AKAP6: variants seen among roughly 807,000 people sequenced by gnomAD.
AKAP6 encodes the protein A-kinase anchor protein 6.
Under a neutral mutation model 188.5 loss-of-function variants are expected in AKAP6, and 58 were observed. The ratio of observed to expected loss-of-function variants is 0.31; its 90% CI spans 0.25 to 0.38. The LOEUF (loss-of-function observed/expected upper bound fraction) is 0.38. Among genes scored for constraint, AKAP6 ranks in the 10% least tolerant of loss-of-function variants. The probability of loss-of-function intolerance (pLI) is 1.00; values close to 1 mark genes in which losing one functional copy is unlikely to be tolerated. For missense variants in AKAP6, 2,710 were observed against 2,740.0 expected (o/e 0.99, Z 0.24); for synonymous variants, 989 against 998.6 (o/e 0.99, Z 0.18).
At chr14:32,348,417 C>CTTTTTTTTTTTTTTTTTTT (rs71115063) in intron 1 of AKAP6, among the ~76,000 whole-genome samples, 1 of 126,162 alleles carries the variant, frequency 7.9e-6, no homozygotes, top group African/African-American at 3.1e-5. Flanking sequence ...TCTTTTGTTT[C>CTTTTTTTTTTTTTTTTTTT]TTTTTTTTTT....
chr14:32,513,360 A>G (rs573554699), intron 2 of AKAP6, among the ~76,000 whole-genome samples: 5 of 152,356 alleles, frequency 3.3e-5, no homozygotes, highest in South Asian at 2.1e-4. Flanking sequence ...GGAAAAAACA[A>G]TCAGAGCAAA....
chr14:32,477,389 C>T (rs534892857), intron 2 of AKAP6, among the ~76,000 whole-genome samples: 33 of 152,088 alleles, frequency 2.2e-4, no homozygotes, highest in East Asian at 9.7e-4. Context: ...CCATGCCTGG[C>T]GGTGTTGAAG....
chr14:32,760,654 G>A (rs977966), intron 11 of AKAP6, among the ~76,000 whole-genome samples: 29,852 of 152,058 alleles, frequency 0.2, 4,082 homozygotes, highest in African/African-American at 0.38. Flanking sequence ...GAGAGGTGTG[G>A]TGTCTTTTCC....
chr14:32,804,730 G>A (rs2034044206), intron 12 of AKAP6, among the ~76,000 whole-genome samples: 1 of 152,018 alleles, frequency 6.6e-6, no homozygotes, highest in African/African-American at 2.4e-5. Context: ...GGAGACCAGG[G>A]CATATCTCAG....
At chr14:32,358,326 A>T (rs1326849888) in intron 1 of AKAP6, among the ~76,000 whole-genome samples, 1 of 152,240 alleles carries the variant, frequency 6.6e-6, no homozygotes, top group Admixed American at 6.5e-5. Context: ...CTTAGTTCAG[A>T]ACTTGGAATC....
intron 12 of AKAP6, among the ~76,000 whole-genome samples, chr14:32,816,204 T>C (rs761757378): frequency 5.3e-5 from 8 of 152,124 alleles, no homozygotes; most frequent in Non-Finnish European, 8.8e-5. Flanking sequence ...TGTTTGTTTG[T>C]TTGTTTAGAG....
rs575588113 is a variant in AKAP6 at position 32,358,375 on chromosome 14, C to A, written c.-35+28967C>A. The stretch of plus-strand genomic sequence containing the variant: ...AATCCTGTGGTTGATGCTCAACACA[C>A]AAAACCAAAAAACTGTTTGTTCTTG... On this transcript the variant is annotated intron_variant, in intron 1 of 13. Coordinates refer to ENST00000280979, the MANE Select transcript of AKAP6 (RefSeq NM_004274.5). 2.0e-5 allele frequency among the ~76,000 whole-genome samples: 3 copies of A among 152,236 alleles called. No individual in the cohort carries two copies. The South Asian group carries it at 6.2e-4, about 32-fold the overall frequency.
At chr14:32,784,585 T>G (rs1001955157) in intron 12 of AKAP6, among the ~76,000 whole-genome samples, 1 of 152,196 alleles carries the variant, frequency 6.6e-6, no homozygotes, top group African/African-American at 2.4e-5. Context: ...ATATCTTAAG[T>G]GTCACTCACC....
At chr14:32,499,530 A>G (rs1880498379) in intron 2 of AKAP6, among the ~76,000 whole-genome samples, 1 of 151,902 alleles carries the variant, frequency 6.6e-6, no homozygotes, top group South Asian at 2.1e-4. Context: ...ATCTTTCTGT[A>G]TTATAATTTA....
At chr14:32,610,961 C>T (rs1358291913) in intron 7 of AKAP6, among the ~76,000 whole-genome samples, 1 of 151,990 alleles carries the variant, frequency 6.6e-6, no homozygotes, top group Non-Finnish European at 1.5e-5. Context: ...TGAATTTGGT[C>T]ATAGAAAACA....
At chr14:32,477,365 A>G (rs1034320352) in intron 2 of AKAP6, among the ~76,000 whole-genome samples, 1 of 152,244 alleles carries the variant, frequency 6.6e-6, no homozygotes, top group African/African-American at 2.4e-5. Context: ...GGAGCTCCAG[A>G]TCTTCCTTTA....
chr14:32,578,450 T>C (rs955411111), intron 5 of AKAP6, among the ~76,000 whole-genome samples: 1 of 152,142 alleles, frequency 6.6e-6, no homozygotes, highest in Non-Finnish European at 1.5e-5. Flanking sequence ...ACCACCTCTC[T>C]TGTACATGGG....
intron 1 of AKAP6, among the ~76,000 whole-genome samples, chr14:32,395,050 C>T (rs961965804): frequency 1.1e-4 from 17 of 150,174 alleles, no homozygotes; most frequent in African/African-American, 3.7e-4. Flanking sequence ...AGTAATATGG[C>T]GTTATCCCAA....
chr14:32,545,328 C>A lies in AKAP6; in HGVS notation c.675C>A (p.Phe225Leu), dbSNP rs983452601. The A allele has an allele frequency of 6.2e-7, 1 of 1,613,992 alleles. No individual in the cohort carries two copies. The highest frequency in any genetic ancestry group is 8.5e-7 in the Non-Finnish European group (1 of 1,179,996). Residue 225 changes from phenylalanine (F) to leucine (L), a missense_variant, in exon 4 of 14, where the codon TTC becomes TTA. This residue lies in a region of AKAP6 where 237 missense variants were observed against 313.9 expected (regional missense o/e 0.76). Transcript: ENST00000280979. ...YLSLDCGITA[F>L]ELSDYSPSED... ...CTCTGGATTGTGGCATTACTGCATT[C>A]GAACTGTCTGACTACAGTCCAAGTG...
chr14:32,666,265 C>T (rs1281421417), intron 7 of AKAP6, among the ~76,000 whole-genome samples: 1 of 152,010 alleles, frequency 6.6e-6, no homozygotes, highest in Non-Finnish European at 1.5e-5. Flanking sequence ...TGTCATTTAT[C>T]AGTGGCTCAC....
chr14:32,547,860 C>G (rs575149379), intron 4 of AKAP6, among the ~76,000 whole-genome samples: 92 of 150,578 alleles, frequency 6.1e-4, no homozygotes, highest in African/African-American at 2.1e-3. Context: ...AAAAAAAAAT[C>G]TCAGGACTGA....
intron 5 of AKAP6, among the ~76,000 whole-genome samples, chr14:32,582,270 A>C (rs1163702598): frequency 6.6e-6 from 1 of 152,092 alleles, no homozygotes; most frequent in Non-Finnish European, 1.5e-5. Flanking sequence ...GTTTGGATGG[A>C]TATGAAATTC....
chr14:32,367,885 C>A (rs1355285015), intron 1 of AKAP6, among the ~76,000 whole-genome samples: 1 of 152,170 alleles, frequency 6.6e-6, no homozygotes, highest in Non-Finnish European at 1.5e-5. Flanking sequence ...ACATCTCCAC[C>A]AACTCACAGT....
At chr14:32,483,684 A>C (rs997433746) in intron 2 of AKAP6, among the ~76,000 whole-genome samples, 1 of 151,908 alleles carries the variant, frequency 6.6e-6, no homozygotes, top group African/African-American at 2.4e-5. Context: ...GGGTTTCTCC[A>C]TGTTGGTCAG....
Sources: allele counts gnomAD v4.1 joint callset (sites outside exome capture counted in the v4.1 genomes callset), GRCh38; gene constraint gnomAD v4.1.1; regional missense constraint gnomAD v4.1.1; transcripts MANE v1.5; gene names NCBI Gene and HGNC (gene_info 2026-07-23, HGNC 2026-07-21).